Variants in OSBPL6 observed in about 807,000 individuals in gnomAD.
The protein encoded by OSBPL6 is oxysterol binding protein like 6, also known as oxysterol-binding protein-related protein 6.
A neutral mutation model predicts 125.8 loss-of-function variants in OSBPL6; 49 were observed. That is an observed-to-expected ratio of 0.39 (90% CI 0.31 to 0.49). The LOEUF (loss-of-function observed/expected upper bound fraction) is 0.49, where lower values mean the gene tolerates loss of function less well. Ranked by LOEUF, OSBPL6 falls within the 20% of genes least tolerant of loss-of-function variation. The pLI, the probability that OSBPL6 is intolerant of heterozygous loss-of-function variation, is 0.88. For synonymous variants in OSBPL6, 394 were observed against 391.8 expected (o/e 1.01, Z -0.07); for missense variants, 986 against 1,135.4 (o/e 0.87, Z 1.89).
chr2:178,239,803 AT>A (rs1236785560), intron 1 of OSBPL6, among the ~76,000 whole-genome samples: 5 of 150,462 alleles, frequency 3.3e-5, no homozygotes, highest in Non-Finnish European at 7.4e-5. Context: ...TTTTTTTTGT[AT>A]TTTTAGTAGA....
At chr2:178,248,626 T>C (rs1163235740) in intron 1 of OSBPL6, among the ~76,000 whole-genome samples, 3 of 152,224 alleles carry the variant, frequency 2.0e-5, no homozygotes, top group African/African-American at 7.2e-5. Flanking sequence ...CTGGTTCCTT[T>C]TGCTGTGAGG....
At chr2:178,243,013 T>G (rs912303494) in intron 1 of OSBPL6, among the ~76,000 whole-genome samples, 8 of 151,930 alleles carry the variant, frequency 5.3e-5, no homozygotes, top group African/African-American at 1.9e-4. Flanking sequence ...TAGCACATTT[T>G]TATAAATATA....
At chr2:178,334,718 C>T (rs1289522425) in intron 8 of OSBPL6, among the ~76,000 whole-genome samples, 1 of 152,074 alleles carries the variant, frequency 6.6e-6, no homozygotes, top group Admixed American at 6.6e-5. Context: ...GACAGGGTTT[C>T]GCCATGTTGG....
At chr2:178,214,740 G>A (rs1238335776) in intron 1 of OSBPL6, among the ~76,000 whole-genome samples, 1 of 152,132 alleles carries the variant, frequency 6.6e-6, no homozygotes, top group Non-Finnish European at 1.5e-5. Flanking sequence ...GAGCCCAGGA[G>A]TTTGAAGCCA....
At chr2:178,360,470 A>G (rs1463920824) in intron 12 of OSBPL6, among the ~76,000 whole-genome samples, 1 of 152,198 alleles carries the variant, frequency 6.6e-6, no homozygotes, top group Non-Finnish European at 1.5e-5. Flanking sequence ...ATCATGTTGT[A>G]TACATTAAAT....
At chr2:178,315,847 G>GT (rs1300317249) in intron 3 of OSBPL6, among the ~76,000 whole-genome samples, 5 of 152,140 alleles carry the variant, frequency 3.3e-5, no homozygotes, top group African/African-American at 1.2e-4. Flanking sequence ...CCAGGAGACT[G>GT]TTATTCACTC....
chr2:178,376,040 A>G (rs1325718562), intron 15 of OSBPL6, among the ~76,000 whole-genome samples: 1 of 152,130 alleles, frequency 6.6e-6, no homozygotes, highest in Non-Finnish European at 1.5e-5. Flanking sequence ...GAGATGAGAC[A>G]TTCACTGTGA....
At chr2:178,284,797 T>C (rs1447319646) in intron 1 of OSBPL6, 130 bp from the exon 2 acceptor site, 1 of 372,658 alleles carries the variant, frequency 2.7e-6, no homozygotes, top group Non-Finnish European at 4.8e-6. Context: ...CTGAGGCATG[T>C]ACCCATATGA....
chr2:178,301,813 C>T (rs1030979030), intron 2 of OSBPL6, among the ~76,000 whole-genome samples: 1 of 152,112 alleles, frequency 6.6e-6, no homozygotes, highest in South Asian at 2.1e-4. Flanking sequence ...CTCCTGGGGG[C>T]TGTTTGTTAA....
At chr2:178,275,628 A>G (rs2092454110) in intron 1 of OSBPL6, among the ~76,000 whole-genome samples, 1 of 152,158 alleles carries the variant, frequency 6.6e-6, no homozygotes, top group South Asian at 2.1e-4. Context: ...TCTGGAAAAG[A>G]GGTCAGCATT....
chr2:178,267,521 G>A (rs916450698), intron 1 of OSBPL6, among the ~76,000 whole-genome samples: 1 of 151,882 alleles, frequency 6.6e-6, no homozygotes, highest in Non-Finnish European at 1.5e-5. Flanking sequence ...TAATACTCTC[G>A]TTGTAGGATA....
rs182988346 is a variant in OSBPL6, at chr2:178,275,935, A to G, written c.-350-8992A>G. Among the ~76,000 whole-genome samples, 64 of 152,344 alleles carry G rather than the reference A, an allele frequency of 4.2e-4. 1 individual carries two copies. Among genetic ancestry groups the G allele is most frequent in the Admixed American group, 4.6e-4 (7 of 15,302 alleles). On this transcript the variant is annotated intron_variant, in intron 1 of 24. Transcript: ENST00000190611. ...TGAGGAACCCGAGGCACAGAGAAGT[A>G]AAATAATTTTCACAAGGTCACAGAG...
At position 178,324,259 on chromosome 2, in the gene OSBPL6, C is replaced by G. The variant is rs116869006; in HGVS notation, c.185C>G (p.Pro62Arg). ...SRQLLEPEPV[P>R]LSKEADSWEI... Reference sequence around the variant, plus strand: ...CAATTGCTAGAACCGGAGCCAGTCCCCCTCTCCAAGGTCAGTGATGAAATG... The same window carrying G: ...CAATTGCTAGAACCGGAGCCAGTCCGCCTCTCCAAGGTCAGTGATGAAATG... The change falls in exon 4 of 25, where the codon CCC (proline) becomes CGC (arginine). Residue 62 changes from proline (P) to arginine (R), a missense_variant. Around this residue, in one of 3 missense-constraint regions of OSBPL6, gnomAD observed 130 missense variants for 106.4 expected, o/e 1.22. Coordinates refer to ENST00000190611, the MANE Select transcript of OSBPL6 (RefSeq NM_032523.4). The G allele has an allele frequency of 6.4e-7, 1 of 1,568,404 alleles. No individual in the cohort carries two copies. Among genetic ancestry groups the G allele is most frequent in the Non-Finnish European group, 8.7e-7 (1 of 1,150,114 alleles).
chr2:178,231,628 G>T (rs2090822235), intron 1 of OSBPL6, among the ~76,000 whole-genome samples: 2 of 148,120 alleles, frequency 1.4e-5, no homozygotes, highest in Non-Finnish European at 3.0e-5. Context: ...ACCACCACCA[G>T]GGTGGTCCCA....
At chr2:178,231,995 G>T (rs2090849365) in intron 1 of OSBPL6, among the ~76,000 whole-genome samples, 1 of 152,014 alleles carries the variant, frequency 6.6e-6, no homozygotes, top group Non-Finnish European at 1.5e-5. Flanking sequence ...AATCATCTTA[G>T]GGGTTCTTAA....
rs1696005595 is a variant in OSBPL6 at position 178,398,870 on chromosome 2, C to G, written c.*3311C>G. Reference sequence around the variant, plus strand: ...ATTTAGGGAGGAAAACCTGATTAAACTGTTTTGCTTAGTACTGGTTACAGC... The same window carrying G: ...ATTTAGGGAGGAAAACCTGATTAAAGTGTTTTGCTTAGTACTGGTTACAGC... On this transcript the variant is annotated 3_prime_UTR_variant, in exon 25 of 25. Transcript: ENST00000190611. The G allele has an allele frequency of 6.6e-6, 1 of 152,136 alleles. No homozygotes were observed. Among genetic ancestry groups the G allele is most frequent in the South Asian group, 2.1e-4 (1 of 4,816 alleles). 9.4% of individuals were successfully genotyped at this position (152,136 alleles called of 1,614,324 possible).
chr2:178,372,421 G>T (rs758197202), intron 14 of OSBPL6, among the ~76,000 whole-genome samples, 188 bp downstream of exon 14: 6 of 152,042 alleles, frequency 3.9e-5, no homozygotes, highest in Non-Finnish European at 8.8e-5. Flanking sequence ...TTTATACCTG[G>T]TGATCAGTGT....
chr2:178,346,736 A>G (rs369686217), intron 11 of OSBPL6, among the ~76,000 whole-genome samples: 5 of 152,208 alleles, frequency 3.3e-5, no homozygotes, highest in African/African-American at 9.7e-5. Flanking sequence ...TTGATGAATA[A>G]AAAGCTAAGT....
intron 1 of OSBPL6, among the ~76,000 whole-genome samples, chr2:178,220,485 T>C (rs769105940): frequency 1.3e-5 from 2 of 152,076 alleles, no homozygotes; most frequent in Non-Finnish European, 1.5e-5. Context: ...TTGTATCATT[T>C]TGTAGACACA....
Sources: allele counts gnomAD v4.1 joint callset (sites outside exome capture counted in the v4.1 genomes callset), GRCh38; gene constraint gnomAD v4.1.1; regional missense constraint gnomAD v4.1.1; transcripts MANE v1.5; gene names NCBI Gene and HGNC (gene_info 2026-07-23, HGNC 2026-07-21).